Variants in CEP70 observed in about 807,000 individuals in gnomAD.
CEP70 encodes centrosomal protein of 70 kDa.
Under a neutral mutation model 90.9 loss-of-function variants are expected in CEP70, and 70 were observed. The ratio of observed to expected loss-of-function variants is 0.77; its 90% CI spans 0.64 to 0.94. CEP70 has a LOEUF of 0.94. Among genes scored for constraint, CEP70 ranks in the 40% least tolerant of loss-of-function variants. The probability of loss-of-function intolerance (pLI) is 0.00; values close to 1 mark genes in which losing one functional copy is unlikely to be tolerated. For missense variants in CEP70, 648 were observed against 669.0 expected, an observed-to-expected ratio of 0.97 and a Z score of 0.35; for synonymous variants, 220 against 228.3, an observed-to-expected ratio of 0.96 and a Z score of 0.33.
intron 13 of CEP70, among the ~76,000 whole-genome samples, chr3:138,504,323 T>TA (rs527658003): frequency 2.0e-5 from 3 of 152,186 alleles, no homozygotes; most frequent in African/African-American, 7.2e-5. Flanking sequence ...AGTCGAAATT[T>TA]AAAAAAAATT....
intron 17 of CEP70, 148 bp downstream of exon 17, chr3:138,497,883 A>T: frequency 1.3e-6 from 2 of 1,482,578 alleles, no homozygotes; most frequent in Non-Finnish European, 1.8e-6. Flanking sequence ...ACAAACTCTA[A>T]CTGCTTGTAA....
chr3:138,562,634 C>T (rs1250354298), intron 6 of CEP70, among the ~76,000 whole-genome samples: 5 of 152,104 alleles, frequency 3.3e-5, no homozygotes, highest in Non-Finnish European at 5.9e-5. Context: ...GAAATAAAAT[C>T]CTTTACAGAC....
chr3:138,575,980 C>T (rs1287397363), intron 2 of CEP70, among the ~76,000 whole-genome samples: 1 of 152,162 alleles, frequency 6.6e-6, no homozygotes, highest in Non-Finnish European at 1.5e-5. Context: ...ACAACCAGTA[C>T]CAGCCACTGC....
At chr3:138,497,787 T>C (rs2034083220) in intron 17 of CEP70, 1 of 985,250 alleles carries the variant, frequency 1.0e-6, no homozygotes, top group Non-Finnish European at 1.2e-6. Context: ...GACAGAATGA[T>C]GCCATCTCTC....
intron 11 of CEP70, among the ~76,000 whole-genome samples, chr3:138,520,507 C>G (rs1481005067): frequency 1.3e-5 from 2 of 152,052 alleles, no homozygotes; most frequent in Non-Finnish European, 2.9e-5. Context: ...TGCAATCAAA[C>G]TAGAACTCAG....
chr3:138,517,870 G>A (rs1435685200), intron 11 of CEP70, among the ~76,000 whole-genome samples: 5 of 152,176 alleles, frequency 3.3e-5, no homozygotes, highest in Non-Finnish European at 4.4e-5. Flanking sequence ...AGCGTGAGCC[G>A]AAGCAGGGCA....
chr3:138,561,080 C>T (rs141834939), intron 6 of CEP70, among the ~76,000 whole-genome samples: 11 of 152,208 alleles, frequency 7.2e-5, no homozygotes, highest in East Asian at 1.9e-4. Flanking sequence ...CACTGAACTC[C>T]GTGTCTCCTG....
chr3:138,568,499 C>A (rs2040936856), intron 6 of CEP70, among the ~76,000 whole-genome samples: 1 of 152,280 alleles, frequency 6.6e-6, no homozygotes, highest in African/African-American at 2.4e-5. Flanking sequence ...GGCACAGCAC[C>A]TTTACAGCTT....
chr3:138,498,859 CA>C (rs1016000545), intron 16 of CEP70, among the ~76,000 whole-genome samples: 1 of 151,460 alleles, frequency 6.6e-6, no homozygotes, highest in African/African-American at 2.4e-5. Flanking sequence ...CTAGCCTGGC[CA>C]ACATGGTGAA....
intron 2 of CEP70, among the ~76,000 whole-genome samples, chr3:138,589,238 C>T (rs2042254139): frequency 6.6e-6 from 1 of 151,862 alleles, no homozygotes. Context: ...ATAAAGTTTT[C>T]CTGAAATTTA....
intron 11 of CEP70, 91 bp downstream of exon 11, chr3:138,525,399 A>G (rs2037120794): frequency 2.5e-6 from 1 of 403,880 alleles, no homozygotes; most frequent in Admixed American, 4.6e-5. Flanking sequence ...ATGTACCCTT[A>G]AAGTATAATA....
intron 11 of CEP70, among the ~76,000 whole-genome samples, chr3:138,514,414 A>G (rs2035815733): frequency 6.6e-6 from 1 of 152,178 alleles, no homozygotes; most frequent in African/African-American, 2.4e-5. Context: ...TGTGCATCAC[A>G]ATCTGATTGA....
At chr3:138,587,291 A>T (rs202032251) in intron 2 of CEP70, among the ~76,000 whole-genome samples, 12 of 26,414 alleles carry the variant, frequency 4.5e-4, no homozygotes, top group African/African-American at 1.7e-3. Flanking sequence ...AAACAATTTT[A>T]AAAAATTAAA....
intron 17 of CEP70, chr3:138,496,394 A>G (rs2033959840): frequency 2.0e-6 from 2 of 985,336 alleles, no homozygotes; most frequent in South Asian, 4.7e-5. Context: ...AACAGAAACA[A>G]TATAAGCAAA....
In CEP70 at chr3:138,572,912, G is replaced by C. The variant is rs2041275899; in HGVS notation, c.16C>G (p.Pro6Ala). 6.2e-7 allele frequency: 1 copy of C among 1,610,716 alleles called. No homozygotes were observed. Among genetic ancestry groups the C allele is most frequent in the Non-Finnish European group, 8.5e-7 (1 of 1,178,040 alleles). MFPVA[P>A]KPQDSSQPSD... is the part of the protein sequence containing the mutation. The stretch of plus-strand genomic sequence containing the variant: ...GGTTGACTGGAATCCTGGGGTTTAG[G>C]GGCTACCGGAAACATAGTTACTTTT... The change falls in exon 3 of 18, where the codon CCT (proline) becomes GCT (alanine). Residue 6 changes from proline to alanine, a missense_variant. Coordinates refer to ENST00000264982, the MANE Select transcript of CEP70 (RefSeq NM_024491.4).
intron 2 of CEP70, among the ~76,000 whole-genome samples, chr3:138,580,659 C>T (rs193084000): frequency 2.6e-5 from 4 of 152,126 alleles, no homozygotes; most frequent in Admixed American, 2.6e-4. Context: ...GAGAACATGA[C>T]CTCACCAAAC....
chr3:138,570,358 T>C lies in CEP70; in HGVS notation c.425A>G (p.Asn142Ser), dbSNP rs757290298. 1.3e-6 allele frequency: 2 copies of C among 1,592,754 alleles called. No homozygotes were observed. Among genetic ancestry groups the C allele is most frequent in the African/African-American group, 2.7e-5 (2 of 73,520 alleles). Residue 142 changes from asparagine to serine, a missense_variant, in exon 6 of 18, where the codon AAT becomes AGT. Physicochemically the swap from Asn to Ser is conservative, Grantham distance 46. Coordinates refer to ENST00000264982, the MANE Select transcript of CEP70 (RefSeq NM_024491.4). ...CTCCTTTTGAAGATCTTTTATTTTA[T>C]TCTGTTGGTGGCAAGCCCTACTTAG... ...ESLSRACHQQ[N>S]KIKDLQKEQK...
At chr3:138,513,952 T>TAAA (rs34596838) in intron 11 of CEP70, among the ~76,000 whole-genome samples, 3 of 140,300 alleles carry the variant, frequency 2.1e-5, no homozygotes, top group African/African-American at 7.6e-5. Context: ...ACTACAAATC[T>TAAA]AAAAAAAAAA....
chr3:138,571,740 T>TAAAGA (rs143363777), intron 3 of CEP70, among the ~76,000 whole-genome samples: 7,236 of 152,134 alleles, frequency 0.048, 544 homozygotes, highest in African/African-American at 0.16. Flanking sequence ...AACTGGATAG[T>TAAAGA]AAAGAAAAGA....
Sources: allele counts gnomAD v4.1 joint callset (sites outside exome capture counted in the v4.1 genomes callset), GRCh38; gene constraint gnomAD v4.1.1; transcripts MANE v1.5; gene names NCBI Gene and HGNC (gene_info 2026-07-23, HGNC 2026-07-21).